Variants in UBALD1 observed in about 807,000 individuals in gnomAD.
The protein encoded by UBALD1 is UBA-like domain-containing protein 1.
In UBALD1, 5 loss-of-function variants were observed where a neutral mutation model predicts 16.1. The observed-to-expected ratio is 0.31, with a 90% CI of 0.16 to 0.66. The LOEUF (loss-of-function observed/expected upper bound fraction) is 0.66. Among genes scored for constraint, UBALD1 ranks in the 30% least tolerant of loss-of-function variants. The pLI is 0.77. For synonymous variants in UBALD1, 146 were observed against 105.3 expected, an observed-to-expected ratio of 1.39 and a Z score of -2.37; for missense variants, 220 against 252.8, an observed-to-expected ratio of 0.87 and a Z score of 0.88.
rs978555751 is a variant in UBALD1, at chr16:4,608,988, CTGGGAGGCGG to C, written c.*635_*644del. On this transcript the variant is annotated 3_prime_UTR_variant, in exon 3 of 3. Transcript: ENST00000283474. ...TGCAGGCAGCCCCAGCAGGCAGGCG[CTGGGAGGCGG>C]TGGGAAGAGTCCTGGAGTTTCCCAC... is the stretch of plus-strand genomic sequence containing the variant. 6.6e-6 allele frequency: 1 copy of C among 151,368 alleles called. No homozygotes were observed. The highest frequency in any genetic ancestry group is 6.6e-5 in the Admixed American group (1 of 15,108). 9.4% of individuals were successfully genotyped at this position (151,368 alleles called of 1,614,324 possible). A position where few individuals can be genotyped will look rare whatever the true frequency, so the allele number is the denominator to read the frequency against.
intron 1 of UBALD1, among the ~76,000 whole-genome samples, chr16:4,612,453 G>A (rs1897370182): frequency 6.6e-6 from 1 of 152,106 alleles, no homozygotes; most frequent in African/African-American, 2.4e-5. Flanking sequence ...TGGGAGCTCA[G>A]GCATGGGGGC....
chr16:4,610,335 G>T, intron 2 of UBALD1, 158 bp downstream of exon 2: 1 of 769,748 alleles, frequency 1.3e-6, no homozygotes, highest in Non-Finnish European at 2.1e-6. Context: ...TTAAGTGCAG[G>T]ACCCACGGAG....
At chr16:4,614,297 C>T in intron 1 of UBALD1, 2 of 359,196 alleles carry the variant, frequency 5.6e-6, no homozygotes, top group Non-Finnish European at 1.0e-5. Context: ...AGCGGCTCCG[C>T]CCTCCGGCCC....
In UBALD1 at chr16:4,612,351, C is replaced by T. The variant is rs374770545; in HGVS notation, c.121-1796G>A. ...TGCTGGGATTACAGGCATGAACCACCGTGCCCGGCAAAAAATATTTTTTAA... is the reference window on the plus strand; with the variant it reads ...TGCTGGGATTACAGGCATGAACCACTGTGCCCGGCAAAAAATATTTTTTAA... On this transcript the variant is annotated intron_variant, in intron 1 of 2. Transcript: ENST00000283474. Among the ~76,000 whole-genome samples, 20 of 152,164 alleles carry T rather than the reference C, an allele frequency of 1.3e-4. 1 individual carries two copies. The highest frequency in any genetic ancestry group is 4.3e-4 in the African/African-American group (18 of 41,498).
chr16:4,609,625 G>A lies in UBALD1; in HGVS notation c.*8C>T. On this transcript the variant is annotated 3_prime_UTR_variant, in exon 3 of 3. Coordinates refer to ENST00000283474, the MANE Select transcript of UBALD1 (RefSeq NM_145253.3). The stretch of plus-strand genomic sequence containing the variant: ...GTCCTGGCCTCCGGGAGGGGGGAGG[G>A]GCCTCCCTTATCTCTCTGCCTCCAT... The A allele has an allele frequency of 7.7e-7, 1 of 1,295,102 alleles. No homozygotes were observed. Among genetic ancestry groups the A allele is most frequent in the Non-Finnish European group, 1.0e-6 (1 of 991,194 alleles). 80.2% of individuals were successfully genotyped at this position (1,295,102 alleles called of 1,614,324 possible).
intron 1 of UBALD1, chr16:4,614,285 G>A: frequency 5.6e-6 from 2 of 356,256 alleles, no homozygotes; most frequent in Non-Finnish European, 1.0e-5. Flanking sequence ...CCACTCGCCC[G>A]GAGCGGCTCC....
rs841182 is a variant in UBALD1, at chr16:4,609,301, T to C, written c.*332A>G. On this transcript the variant is annotated 3_prime_UTR_variant, in exon 3 of 3. Transcript: ENST00000283474. Reference sequence around the variant, plus strand: ...CCAAGCCAGGGATCAGCAATGTCTCTGCCAGGGTGGTCCTCCACGGCACCC... The same window carrying C: ...CCAAGCCAGGGATCAGCAATGTCTCCGCCAGGGTGGTCCTCCACGGCACCC... The C allele has an allele frequency of 0.99, 235,681 of 236,908 alleles. 117,243 individuals are homozygous for C. The highest frequency in any genetic ancestry group is 1 in the South Asian group (5,582 of 5,582). The allele number at this position is 236,908 out of a possible 1,614,324, so 14.7% of individuals were successfully genotyped here.
chr16:4,614,870 A>G lies in UBALD1; in HGVS notation c.-73T>C. On this transcript the variant is annotated 5_prime_UTR_variant, in exon 1 of 3. Coordinates refer to ENST00000283474, the MANE Select transcript of UBALD1 (RefSeq NM_145253.3). The stretch of plus-strand genomic sequence containing the variant: ...CCGCCTCACGCGTCCACCATTAGCG[A>G]GCCGGCTCCGGCTAATACAAATATT... 1 of 1,367,738 alleles carries G rather than the reference A, an allele frequency of 7.3e-7. No homozygotes were observed. Among genetic ancestry groups the G allele is most frequent in the Non-Finnish European group, 9.5e-7 (1 of 1,048,126 alleles). 84.7% of individuals were successfully genotyped at this position (1,367,738 alleles called of 1,614,324 possible). A position where few individuals can be genotyped will look rare whatever the true frequency, so the allele number is the denominator to read the frequency against.
intron 2 of UBALD1, chr16:4,610,285 A>G: frequency 1.4e-6 from 1 of 714,460 alleles, no homozygotes; most frequent in Non-Finnish European, 2.5e-6. Flanking sequence ...CCCAGAGGCC[A>G]GCGCCCCCCA....
intron 1 of UBALD1, among the ~76,000 whole-genome samples, chr16:4,612,950 G>A (rs1201329761): frequency 4.6e-5 from 7 of 152,130 alleles, no homozygotes; most frequent in Non-Finnish European, 7.4e-5. Context: ...TCTTTCCCCA[G>A]ACATTGCACT....
At chr16:4,610,584 T>TC in intron 1 of UBALD1, 29 bp from the exon 2 acceptor site, 1 of 1,589,874 alleles carries the variant, frequency 6.3e-7, no homozygotes, top group Non-Finnish European at 8.5e-7. Flanking sequence ...CTGCTCACCC[T>TC]CCAGGCCCCC....
rs200656653 is a variant in UBALD1, at chr16:4,609,824, C to T, written c.343G>A (p.Ala115Thr). Residue 115 changes from alanine to threonine, a missense_variant, in exon 3 of 3, where the codon GCC (alanine) becomes ACC (threonine). Ala to Thr is a moderately conservative substitution (Grantham distance 58). Around this residue, in one of 2 missense-constraint regions of UBALD1, gnomAD observed 151 missense variants for 132.6 expected, o/e 1.14. Coordinates refer to ENST00000283474, the MANE Select transcript of UBALD1 (RefSeq NM_145253.3). ...TSPPPHFPHA[A>T]TSSSAASSWP... ...CTGGAGGCCGCAGAGCTGCTGGTGG[C>T]GGCATGGGGGAAGTGTGGCGGGGGT... 2.3e-4 allele frequency: 348 copies of T among 1,520,892 alleles called. 1 individual carries two copies. The African/African-American group carries it at 3.9e-3, about 17-fold the overall frequency. 94.2% of individuals were successfully genotyped at this position (1,520,892 alleles called of 1,614,324 possible).
Position 4,609,260 on chromosome 16 carries a change from C to G in UBALD1, c.*373G>C, listed in dbSNP as rs916938182. The G allele has an allele frequency of 4.9e-6, 1 of 202,782 alleles. No individual in the cohort carries two copies. Among genetic ancestry groups the G allele is most frequent in the South Asian group, 1.9e-4 (1 of 5,302 alleles). 12.6% of individuals were successfully genotyped at this position (202,782 alleles called of 1,614,324 possible). A position where few individuals can be genotyped will look rare whatever the true frequency, so the allele number is the denominator to read the frequency against. ...CCCTAGGGTGGGGGTCGAGGCCTGC[C>G]GGCCCCCAAGGAGCTCCAAGCCAGG... On this transcript the variant is annotated 3_prime_UTR_variant, in exon 3 of 3. Coordinates refer to ENST00000283474, the MANE Select transcript of UBALD1 (RefSeq NM_145253.3).
intron 2 of UBALD1, 73 bp from the exon 3 acceptor site, chr16:4,610,056 G>A: frequency 8.5e-7 from 1 of 1,170,100 alleles, no homozygotes; most frequent in Non-Finnish European, 1.2e-6. Flanking sequence ...CCCAAGGGGA[G>A]ATGCGTGGCT....
intron 1 of UBALD1, chr16:4,610,909 G>A (rs1055230302): frequency 1.9e-5 from 8 of 419,240 alleles, no homozygotes; most frequent in East Asian, 1.1e-4. Context: ...AAAGGCGCCC[G>A]GCCCCAGGTA....
intron 1 of UBALD1, chr16:4,613,935 G>C (rs1261493822): frequency 2.6e-5 from 4 of 152,462 alleles, no homozygotes; most frequent in Non-Finnish European, 5.9e-5. Context: ...GCACCTAGTC[G>C]CGCACACGGA....
intron 1 of UBALD1, chr16:4,610,898 GA>G: frequency 2.4e-6 from 1 of 420,988 alleles, no homozygotes; most frequent in Non-Finnish European, 4.2e-6. Context: ...CATCCTGGGG[GA>G]AAGGCGCCCG....
intron 2 of UBALD1, 62 bp from the exon 3 acceptor site, chr16:4,610,045 T>A (rs1897339114): frequency 1.6e-6 from 2 of 1,280,216 alleles, no homozygotes; most frequent in Non-Finnish European, 2.2e-6. Context: ...CCCCACTGCC[T>A]CCCAAGGGGA....
chr16:4,610,648 CT>C, intron 1 of UBALD1, 93 bp from the exon 2 acceptor site: 1 of 1,412,502 alleles, frequency 7.1e-7, no homozygotes, highest in Non-Finnish European at 9.7e-7. Context: ...GGGGATGACC[CT>C]GGCTGGACTG....
Sources: allele counts gnomAD v4.1 joint callset (sites outside exome capture counted in the v4.1 genomes callset), GRCh38; gene constraint gnomAD v4.1.1; regional missense constraint gnomAD v4.1.1; transcripts MANE v1.5; gene names NCBI Gene and HGNC (gene_info 2026-07-23, HGNC 2026-07-21).